The following PHF24 variants were observed in gnomAD, a reference collection of about 807,000 sequenced individuals.
PHF24 encodes the protein PHD finger protein 24.
In PHF24, 25 loss-of-function variants were observed where a neutral mutation model predicts 42.6. That is an observed-to-expected ratio of 0.59 (90% CI 0.43 to 0.82). PHF24 has a LOEUF of 0.82. PHF24 is among the 40% of genes least tolerant of loss of function. PHF24 has a pLI of 0.00. For missense variants in PHF24, 470 were observed against 538.1 expected, an observed-to-expected ratio of 0.87 and a Z score of 1.25; for synonymous variants, 185 against 204.8, an observed-to-expected ratio of 0.90 and a Z score of 0.83.
chr9:34,898,906 A>G, the PHF24 span, among the ~76,000 whole-genome samples: 1 of 152,220 alleles, frequency 6.6e-6, no homozygotes, highest in Non-Finnish European at 1.5e-5. Flanking sequence ...ACTCCACTCC[A>G]GCAATTCGCC....
At chr9:34,886,796 C>CTCTATGTA in the PHF24 span, among the ~76,000 whole-genome samples, 4 of 135,430 alleles carry the variant, frequency 3.0e-5, no homozygotes, top group South Asian at 2.3e-4. Flanking sequence ...TGTCTATCTA[C>CTCTATGTA]TCTATCTATG....
the PHF24 span, among the ~76,000 whole-genome samples, chr9:34,910,236 CT>C: frequency 2.3e-4 from 34 of 151,022 alleles, no homozygotes; most frequent in Non-Finnish European, 1.2e-4. Flanking sequence ...AGTTTTGCCT[CT>C]TTTTTTTTGG....
At chr9:34,718,096 C>T in the PHF24 span, among the ~76,000 whole-genome samples, 7 of 152,226 alleles carry the variant, frequency 4.6e-5, no homozygotes, top group African/African-American at 7.2e-5. Context: ...CTTCCCTTCC[C>T]GCCGTCTGGA....
chr9:34,847,712 A>G, the PHF24 span, among the ~76,000 whole-genome samples: 1 of 152,060 alleles, frequency 6.6e-6, no homozygotes, highest in Admixed American at 6.6e-5. Context: ...GTTTTTGCCC[A>G]TTCAGTGTGA....
chr9:34,979,912 T>C (rs1441164854), exon 8 of PHF24: 1 of 152,238 alleles, frequency 6.6e-6, no homozygotes, highest in Non-Finnish European at 1.5e-5. Flanking sequence ...GAGGGGCCAT[T>C]ATTCAGTCTA....
the PHF24 span, among the ~76,000 whole-genome samples, chr9:34,830,534 C>T: frequency 6.6e-6 from 1 of 152,290 alleles, no homozygotes; most frequent in Middle Eastern, 3.4e-3. Context: ...CCCCTTAGGT[C>T]TCCTTAGAGG....
the PHF24 span, chr9:34,689,728 T>C: frequency 6.7e-7 from 1 of 1,483,358 alleles, no homozygotes; most frequent in Non-Finnish European, 9.4e-7. The surrounding 1 kb of genome is among the most constrained non-coding windows in gnomAD (Gnocchi z 4.1). Flanking sequence ...GCTGGAAGCC[T>C]GGTCCTTCCT....
the PHF24 span, among the ~76,000 whole-genome samples, chr9:34,701,213 T>C: frequency 6.6e-6 from 1 of 151,900 alleles, no homozygotes; most frequent in Non-Finnish European, 1.5e-5. This position sits in a 1 kb window ranked among gnomAD's most constrained non-coding sequence, Gnocchi z 5.8. Context: ...GGGTAGGAGA[T>C]CCTGAATGCG....
chr9:34,893,131 T>G, the PHF24 span: 1 of 772,388 alleles, frequency 1.3e-6, no homozygotes, highest in Non-Finnish European at 1.9e-6. Context: ...GCACACTTCC[T>G]TCCTGAGGAA....
intron 1 of PHF24, among the ~76,000 whole-genome samples, chr9:34,959,078 T>C (rs1826498253): frequency 1.3e-5 from 2 of 152,230 alleles, no homozygotes; most frequent in African/African-American, 4.8e-5. Context: ...GGTAGCCCAG[T>C]TGCTCCACGC....
the PHF24 span, among the ~76,000 whole-genome samples, chr9:34,883,569 C>G: frequency 3.3e-5 from 5 of 152,206 alleles, no homozygotes; most frequent in Non-Finnish European, 7.3e-5. Context: ...TGAACAGACA[C>G]TTCTCAAAAG....
the PHF24 span, among the ~76,000 whole-genome samples, chr9:34,771,696 A>C: frequency 1.3e-5 from 2 of 152,244 alleles, no homozygotes; most frequent in Non-Finnish European, 2.9e-5. Context: ...AAGGTACAGA[A>C]CTATTCCATC....
chr9:34,947,359 C>G, the PHF24 span, among the ~76,000 whole-genome samples: 6 of 151,988 alleles, frequency 3.9e-5, no homozygotes, highest in South Asian at 1.2e-3. Context: ...AGTCACAGCG[C>G]AGCACATTAC....
At chr9:34,848,983 T>C in the PHF24 span, among the ~76,000 whole-genome samples, 3 of 152,214 alleles carry the variant, frequency 2.0e-5, no homozygotes, top group African/African-American at 7.2e-5. Context: ...TTATAATTTC[T>C]GTTCTTTTAC....
chr9:34,784,456 C>A, the PHF24 span, among the ~76,000 whole-genome samples: 1 of 152,228 alleles, frequency 6.6e-6, no homozygotes, highest in Non-Finnish European at 1.5e-5. Context: ...TATCCTATTC[C>A]AATTTGAATT....
chr9:34,930,127 A>G, the PHF24 span, among the ~76,000 whole-genome samples: 1 of 152,096 alleles, frequency 6.6e-6, no homozygotes, highest in Non-Finnish European at 1.5e-5. Context: ...CATCTCCCTA[A>G]AATGTCTGGG....
chr9:34,910,165 C>G, the PHF24 span, among the ~76,000 whole-genome samples: 1 of 152,162 alleles, frequency 6.6e-6, no homozygotes, highest in African/African-American at 2.4e-5. Flanking sequence ...TAAGCTTTCT[C>G]TCCTCTCCTT....
At chr9:34,781,578 A>C in the PHF24 span, among the ~76,000 whole-genome samples, 1 of 152,380 alleles carries the variant, frequency 6.6e-6, no homozygotes, top group African/African-American at 2.4e-5. Flanking sequence ...TTATACATTT[A>C]AAAATGGTTA....
At chr9:34,737,001 CT>C in the PHF24 span, among the ~76,000 whole-genome samples, 1 of 152,204 alleles carries the variant, frequency 6.6e-6, no homozygotes, top group Non-Finnish European at 1.5e-5. Context: ...TCTCTCACTT[CT>C]TCCTAGCTAA....
Sources: allele counts gnomAD v4.1 joint callset (sites outside exome capture counted in the v4.1 genomes callset), GRCh38; gene constraint gnomAD v4.1.1; non-coding constraint Gnocchi (gnomAD v3.1); transcripts MANE v1.5; gene names NCBI Gene and HGNC (gene_info 2026-07-23, HGNC 2026-07-21).